The following RPS6KA5 variants were observed in gnomAD, a reference collection of about 807,000 sequenced individuals.
RPS6KA5 encodes the protein ribosomal protein S6 kinase alpha-5.
RPS6KA5 carries 27 observed loss-of-function variants against 85.5 expected under a neutral mutation model. The observed-to-expected ratio is 0.32, with a 90% CI of 0.23 to 0.44. RPS6KA5 has a LOEUF of 0.44. RPS6KA5 is among the 20% of genes least tolerant of loss of function. RPS6KA5 has a pLI of 1.00. For synonymous variants in RPS6KA5, 334 were observed against 348.2 expected (o/e 0.96, Z 0.46); for missense variants, 811 against 980.9 (o/e 0.83, Z 2.31).
intron 3 of RPS6KA5, among the ~76,000 whole-genome samples, chr14:90,963,744 C>T (rs934553908): frequency 6.6e-6 from 1 of 152,144 alleles, no homozygotes; most frequent in Admixed American, 6.6e-5. Context: ...AGCAGAGTAT[C>T]AGAGAGATTA....
intron 1 of RPS6KA5, among the ~76,000 whole-genome samples, chr14:91,019,879 T>C (rs906467538): frequency 6.6e-6 from 1 of 152,218 alleles, no homozygotes; most frequent in Non-Finnish European, 1.5e-5. Context: ...AAATGCATCA[T>C]TAAGCAACTC....
intron 7 of RPS6KA5, among the ~76,000 whole-genome samples, chr14:90,915,116 TA>T (rs534041749): frequency 6.8e-4 from 102 of 150,962 alleles, no homozygotes; most frequent in African/African-American, 2.3e-3. Context: ...TAAAACAGGG[TA>T]AAAAAAAAGA....
chr14:90,969,315 T>C (rs1013164772), intron 3 of RPS6KA5, among the ~76,000 whole-genome samples: 2 of 152,240 alleles, frequency 1.3e-5, no homozygotes, highest in Admixed American at 6.5e-5. Flanking sequence ...TACATACTGT[T>C]GCACAGTTTC....
intron 1 of RPS6KA5, among the ~76,000 whole-genome samples, chr14:91,038,774 T>TG: frequency 1.3e-5 from 2 of 152,216 alleles, no homozygotes; most frequent in Non-Finnish European, 2.9e-5. Context: ...AAATGTCTCA[T>TG]GGCCAGTGCT....
chr14:90,988,744 C>T (rs1282700966), intron 2 of RPS6KA5, among the ~76,000 whole-genome samples: 2 of 152,012 alleles, frequency 1.3e-5, no homozygotes, highest in African/African-American at 2.4e-5. Context: ...ATCCGGGAGG[C>T]GGAGGTTGCA....
In RPS6KA5 at chr14:90,884,494, A is replaced by G. The variant is rs77975243; in HGVS notation, c.1836+5993T>C. The stretch of plus-strand genomic sequence containing the variant: ...ATACTTCTGGTCCCAAGCATTTTGA[A>G]TAAGGGATACTCGACCTATACTGTG... On this transcript the variant is annotated intron_variant, in intron 14 of 16. Transcript: ENST00000614987. Among the ~76,000 whole-genome samples, 120 of 152,352 alleles carry G rather than the reference A, an allele frequency of 7.9e-4. No individual in the cohort carries two copies. In the East Asian group the frequency reaches 0.022, roughly 28 times the overall value.
chr14:91,020,542 G>C (rs1404552430), intron 1 of RPS6KA5, among the ~76,000 whole-genome samples: 2 of 38,982 alleles, frequency 5.1e-5, no homozygotes, highest in African/African-American at 7.5e-5. Flanking sequence ...GACTGTGTGT[G>C]TGTGTGTGTG....
intron 3 of RPS6KA5, among the ~76,000 whole-genome samples, chr14:90,971,220 G>A (rs1345414308): frequency 6.6e-6 from 1 of 152,162 alleles, no homozygotes; most frequent in Admixed American, 6.5e-5. Flanking sequence ...GGGAGGCTGA[G>A]GCAGGAGAAT....
intron 5 of RPS6KA5, among the ~76,000 whole-genome samples, chr14:90,942,389 G>C (rs2037619740): frequency 6.6e-6 from 1 of 152,034 alleles, no homozygotes; most frequent in Admixed American, 6.5e-5. Context: ...AATTTACTTA[G>C]TTATCTTGAA....
At chr14:90,960,301 C>T (rs2038733388) in intron 3 of RPS6KA5, among the ~76,000 whole-genome samples, 1 of 152,048 alleles carries the variant, frequency 6.6e-6, no homozygotes, top group Non-Finnish European at 1.5e-5. Context: ...AAAGTAAAAA[C>T]AACTTAGCCA....
intron 1 of RPS6KA5, chr14:91,060,088 GC>G: frequency 1.0e-6 from 1 of 985,400 alleles, no homozygotes; most frequent in Non-Finnish European, 1.2e-6. Flanking sequence ...GGCTGCGCTG[GC>G]CCCGATGCCT....
In RPS6KA5 at chr14:90,902,788, T is replaced by C; in HGVS notation, c.1119+20A>G. On this transcript the variant is annotated intron_variant, in intron 9 of 16. Coordinates refer to ENST00000614987, the MANE Select transcript of RPS6KA5 (RefSeq NM_004755.4). Reference sequence around the variant, plus strand: ...AAAGGACATATGGCCAATGTGCATGTGCACAGGATGGGAAATTACCTGAAA... The same window carrying C: ...AAAGGACATATGGCCAATGTGCATGCGCACAGGATGGGAAATTACCTGAAA... The C allele has an allele frequency of 6.2e-7, 1 of 1,609,802 alleles. No individual in the cohort carries two copies. The highest frequency in any genetic ancestry group is 8.5e-7 in the Non-Finnish European group (1 of 1,177,456).
chr14:90,851,824 A>G lies in RPS6KA5; in HGVS notation c.*20250T>C, dbSNP rs1350625746. 3 of 152,244 alleles carry G rather than the reference A, an allele frequency of 2.0e-5. No individual in the cohort carries two copies. The highest frequency in any genetic ancestry group is 6.5e-5 in the Admixed American group (1 of 15,280). The allele number at this position is 152,244 out of a possible 1,614,324, so 9.4% of individuals were successfully genotyped here. On this transcript the variant is annotated 3_prime_UTR_variant, in exon 17 of 17. Coordinates refer to ENST00000614987, the MANE Select transcript of RPS6KA5 (RefSeq NM_004755.4). The stretch of plus-strand genomic sequence containing the variant: ...TAAAGCTGGGCACAGGCCAAGGCAG[A>G]CATGAATGACAGGCTTTATCTTTCA...
intron 7 of RPS6KA5, among the ~76,000 whole-genome samples, chr14:90,910,028 G>A (rs948301583): frequency 2.0e-5 from 3 of 152,006 alleles, no homozygotes; most frequent in Middle Eastern, 3.4e-3. Flanking sequence ...TGCCTGCCTC[G>A]GCCTCCCAAA....
At chr14:90,952,229 C>A (rs977123250) in intron 3 of RPS6KA5, among the ~76,000 whole-genome samples, 8 of 152,174 alleles carry the variant, frequency 5.3e-5, no homozygotes, top group Non-Finnish European at 1.2e-4. Context: ...TGGGAAATAT[C>A]AAAATTTGGA....
At chr14:90,903,801 T>C (rs2035325775) in intron 8 of RPS6KA5, among the ~76,000 whole-genome samples, 1 of 152,214 alleles carries the variant, frequency 6.6e-6, no homozygotes, top group South Asian at 2.1e-4. Flanking sequence ...ACAATTATTT[T>C]ATGTATCATT....
chr14:90,928,672 A>C (rs903042402), intron 5 of RPS6KA5, among the ~76,000 whole-genome samples: 1 of 151,634 alleles, frequency 6.6e-6, no homozygotes, highest in Non-Finnish European at 1.5e-5. Flanking sequence ...TAAAAACTCT[A>C]AATATACTTG....
At chr14:91,060,271 C>T in intron 1 of RPS6KA5, 61 bp downstream of exon 1, 1 of 1,070,322 alleles carries the variant, frequency 9.3e-7, no homozygotes, top group Non-Finnish European at 1.1e-6. Flanking sequence ...GCGCGGGCAC[C>T]CGCGTGCCCT....
chr14:90,998,650 G>A (rs34876948), intron 2 of RPS6KA5, among the ~76,000 whole-genome samples: 71,744 of 152,052 alleles, frequency 0.47, 17,490 homozygotes, highest in East Asian at 0.55. Context: ...TAGGAATACA[G>A]TGGGGTAGAG....
Sources: gnomAD v4.1 joint callset for allele counts (sites outside exome capture counted in the v4.1 genomes callset) on GRCh38, gnomAD v4.1.1 for gene constraint, MANE v1.5 for transcripts, NCBI Gene and HGNC (gene_info 2026-07-23, HGNC 2026-07-21) for gene names.